TRPM2: variants seen among roughly 807,000 people sequenced by gnomAD.
The protein encoded by TRPM2 is transient receptor potential cation channel subfamily M member 2, also known as estrogen-responsive element-associated gene 1 protein.
TRPM2 carries 161 observed loss-of-function variants against 174.0 expected under a neutral mutation model. The ratio of observed to expected loss-of-function variants is 0.93; its 90% confidence interval spans 0.81 to 1.05. The LOEUF (loss-of-function observed/expected upper bound fraction) is 1.05. TRPM2 is among the 50% of genes least tolerant of loss of function. TRPM2 has a pLI of 0.00. For synonymous variants in TRPM2, 954 were observed against 861.3 expected (o/e 1.11, Z -1.88); for missense variants, 2,057 against 2,038.0 (o/e 1.01, Z -0.18).
Position 44,399,374 on chromosome 21 carries a change from A to C in TRPM2, c.2141A>C (p.Lys714Thr). 1 of 1,612,726 alleles carries C rather than the reference A, an allele frequency of 6.2e-7. No homozygotes were observed. Among genetic ancestry groups the C allele is most frequent in the Non-Finnish European group, 8.5e-7 (1 of 1,179,856 alleles). The change falls in exon 14 of 32, where the codon AAG (lysine) becomes ACG (threonine). Residue 714 changes from lysine (K) to threonine (T), a missense_variant. By Grantham distance (78) the Lys-to-Thr change is moderately conservative. Transcript: ENST00000397928. This position sits in a 1 kb window ranked among gnomAD's most constrained non-coding sequence, Gnocchi z 4.6. Reference protein sequence around the residue: ...LLTRVSEAWGKTTCLQLALEA... With the variant: ...LLTRVSEAWGTTTCLQLALEA... ...ACCCGCGTGTCCGAGGCCTGGGGGA[A>C]GACCACCTGCCTGCAGCTCGCCCTG...
chr21:44,378,937 C>T, intron 7 of TRPM2, 60 bp from the exon 8 acceptor site: 1 of 1,546,982 alleles, frequency 6.5e-7, no homozygotes, highest in Non-Finnish European at 8.8e-7. Flanking sequence ...TTCTCCATTT[C>T]AGAAAGCATC....
intron 8 of TRPM2, among the ~76,000 whole-genome samples, chr21:44,381,075 A>G (rs1602175035): frequency 6.6e-6 from 1 of 152,062 alleles, no homozygotes; most frequent in Admixed American, 6.5e-5. Flanking sequence ...TGGAGTTGTC[A>G]TGAAAGCTGG....
At position 44,405,942 on chromosome 21, in the gene TRPM2, C is replaced by G; in HGVS notation, c.2695C>G (p.Leu899Val). The G allele has an allele frequency of 6.2e-7, 1 of 1,607,588 alleles. No individual in the cohort carries two copies. Among genetic ancestry groups the G allele is most frequent in the Non-Finnish European group, 8.5e-7 (1 of 1,179,724 alleles). ...PATLYPGRVI[L>V]SLDFILFCLR... is the part of the protein sequence containing the mutation. ...GACGCTGTACCCCGGGCGCGTCATC[C>G]TCTCTCTGGACTTCATCCTGTTCTG... Residue 899 changes from leucine to valine, a missense_variant, in exon 18 of 32, where the codon CTC becomes GTC. By Grantham distance (32) the Leu-to-Val change is conservative (BLOSUM62 1). Coordinates refer to ENST00000397928, the MANE Select transcript of TRPM2 (RefSeq NM_003307.4).
intron 7 of TRPM2, 110 bp from the exon 8 acceptor site, chr21:44,378,887 G>A: frequency 8.5e-7 from 1 of 1,182,510 alleles, no homozygotes; most frequent in South Asian, 1.4e-5. Context: ...GGATCTCGGA[G>A]TAGTGTTAGC....
chr21:44,381,302 A>C (rs959552062), intron 8 of TRPM2, among the ~76,000 whole-genome samples: 3 of 151,760 alleles, frequency 2.0e-5, no homozygotes, highest in Admixed American at 6.6e-5. Context: ...GCGTTTGTGG[A>C]GTTGCTCGCC....
At chr21:44,380,475 A>G (rs2048847139) in intron 8 of TRPM2, among the ~76,000 whole-genome samples, 1 of 152,186 alleles carries the variant, frequency 6.6e-6, no homozygotes. Context: ...AACTGAGTTT[A>G]ATCTGCTGTT....
intron 27 of TRPM2, among the ~76,000 whole-genome samples, chr21:44,431,603 G>A (rs1347405884): frequency 1.3e-5 from 2 of 152,104 alleles, no homozygotes; most frequent in Admixed American, 6.5e-5. Context: ...AGCCTCCCAA[G>A]TCACTGGAAT....
At chr21:44,429,278 C>CTTTTTTTTTTTTTTT (rs35708355) in intron 27 of TRPM2, among the ~76,000 whole-genome samples, 48 of 44,190 alleles carry the variant, frequency 1.1e-3, no homozygotes, top group Non-Finnish European at 1.6e-3. Context: ...TTTTCTTTTT[C>CTTTTTTTTTTTTTTT]TTTTTTTTTT....
rs1331518852 is a variant in TRPM2 at position 44,427,146 on chromosome 21, C to T, written c.3974+35C>T. The T allele has an allele frequency of 2.0e-6, 3 of 1,514,408 alleles. No individual in the cohort carries two copies. In the South Asian group the frequency reaches 3.7e-5, roughly 19 times the overall value. The allele number at this position is 1,514,408 out of a possible 1,614,324, so 93.8% of individuals were successfully genotyped here. On this transcript the variant is annotated intron_variant, in intron 27 of 31. Coordinates refer to ENST00000397928, the MANE Select transcript of TRPM2 (RefSeq NM_003307.4). ...CCCCCTGCGGGCCCCGCCCCGTCAG[C>T]CTTTGGGGTTTGCCTGGGGGGCAGG...
intron 27 of TRPM2, among the ~76,000 whole-genome samples, chr21:44,433,066 A>G (rs2238724): frequency 0.29 from 44,614 of 152,034 alleles, 10,140 homozygotes; most frequent in African/African-American, 0.64. Flanking sequence ...GGAGGGCAGC[A>G]TGGTGGTCCG....
intron 22 of TRPM2, among the ~76,000 whole-genome samples, chr21:44,421,608 C>T (rs902308514): frequency 2.0e-5 from 3 of 151,770 alleles, no homozygotes; most frequent in African/African-American, 7.3e-5. Flanking sequence ...CCCATCTCTA[C>T]AAAAAATAAA....
chr21:44,441,754 A>G lies in TRPM2; in HGVS notation c.4449A>G (p.Pro1483=), dbSNP rs2051514455. 1 of 1,611,450 alleles carries G rather than the reference A, an allele frequency of 6.2e-7. No individual in the cohort carries two copies. Among genetic ancestry groups the G allele is most frequent in the Admixed American group, 1.7e-5 (1 of 59,802 alleles). Reference sequence around the variant, plus strand: ...GGCAGGTGGTGGACAGGCGCATCCCACTCTATGCGAACCACAAGACCCTCC... The same window carrying G: ...GGCAGGTGGTGGACAGGCGCATCCCGCTCTATGCGAACCACAAGACCCTCC... The part of the protein sequence containing the change: ...IRWQVVDRRI[P]LYANHKTLLQ... The change falls in exon 32 of 32, where the codon CCA becomes CCG. Residue 1483 remains proline (P), a synonymous_variant. Transcript: ENST00000397928.
chr21:44,413,783 C>T (rs979819165), intron 19 of TRPM2, 108 bp from the exon 20 acceptor site: 67 of 1,313,346 alleles, frequency 5.1e-5, no homozygotes, highest in Non-Finnish European at 7.1e-5. Context: ...AGCATCAGGC[C>T]TGCGGGGGAC....
intron 16 of TRPM2, among the ~76,000 whole-genome samples, chr21:44,404,397 A>G (rs2049787832): frequency 6.6e-6 from 1 of 152,172 alleles, no homozygotes. Context: ...ACATATGTGC[A>G]CACATACATA....
intron 9 of TRPM2, among the ~76,000 whole-genome samples, chr21:44,386,787 G>A (rs2049030893): frequency 6.6e-6 from 1 of 151,478 alleles, no homozygotes; most frequent in African/African-American, 2.4e-5. Flanking sequence ...ATCCCAAACA[G>A]CCAAAATAAT....
chr21:44,425,260 C>T (rs994555427), intron 24 of TRPM2: 44 of 414,864 alleles, frequency 1.1e-4, no homozygotes, highest in Middle Eastern at 6.3e-4. Flanking sequence ...GTGTCTGAAC[C>T]TGGTCACGTA....
chr21:44,420,725 A>G (rs1002806466), intron 22 of TRPM2, among the ~76,000 whole-genome samples: 2 of 152,216 alleles, frequency 1.3e-5, no homozygotes, highest in Non-Finnish European at 2.9e-5. Context: ...CGGCCTCCGC[A>G]TGTCAGGATG....
intron 3 of TRPM2, among the ~76,000 whole-genome samples, chr21:44,364,699 G>A (rs1470341699): frequency 6.6e-6 from 1 of 152,142 alleles, no homozygotes; most frequent in Non-Finnish European, 1.5e-5. Flanking sequence ...GCTGGGGGAA[G>A]GGGCCCAGGA....
In TRPM2 at chr21:44,406,218, C is replaced by G. The variant is rs533264305; in HGVS notation, c.2790+181C>G. On this transcript the variant is annotated intron_variant, in intron 18 of 31. Coordinates refer to ENST00000397928, the MANE Select transcript of TRPM2 (RefSeq NM_003307.4). ...TCGTATCTTTGCCTGTACGTCACCT[C>G]TTCCAGGAAGCCTTCCCTCATTCTC... Among the ~76,000 whole-genome samples, 3 of 152,258 alleles carry G rather than the reference C, an allele frequency of 2.0e-5. No homozygotes were observed. The South Asian group carries it at 6.2e-4, about 32-fold the overall frequency.
Sources: gnomAD v4.1 joint callset for allele counts (sites outside exome capture counted in the v4.1 genomes callset) on GRCh38, gnomAD v4.1.1 for gene constraint, Gnocchi (gnomAD v3.1) non-coding constraint, MANE v1.5 for transcripts, NCBI Gene and HGNC (gene_info 2026-07-23, HGNC 2026-07-21) for gene names.